The following DLC1 variants were observed in gnomAD, a reference collection of about 807,000 sequenced individuals.
DLC1 encodes rho GTPase-activating protein 7.
In DLC1, 54 loss-of-function variants were observed where a neutral mutation model predicts 140.3. The observed-to-expected ratio is 0.38, with a 90% CI of 0.31 to 0.48. The LOEUF (loss-of-function observed/expected upper bound fraction) is 0.48, where lower values mean the gene tolerates loss of function less well. Ranked by LOEUF, DLC1 falls within the 20% of genes least tolerant of loss-of-function variation. The probability of loss-of-function intolerance (pLI) is 0.96; values close to 1 mark genes in which losing one functional copy is unlikely to be tolerated. For synonymous variants in DLC1, 986 were observed against 728.1 expected, an observed-to-expected ratio of 1.35 and a Z score of -5.70; for missense variants, 2,536 against 1,907.0, an observed-to-expected ratio of 1.33 and a Z score of -6.14.
chr8:13,602,600 GTTAA>G (rs747096262), intron 1 of DLC1, among the ~76,000 whole-genome samples: 6 of 151,814 alleles, frequency 4.0e-5, no homozygotes, highest in Non-Finnish European at 8.9e-5. Flanking sequence ...GACTCTATGT[GTTAA>G]TTGTCAAAAC....
chr8:13,480,363 C>G (rs1313591217), intron 2 of DLC1, among the ~76,000 whole-genome samples: 3 of 152,046 alleles, frequency 2.0e-5, no homozygotes, highest in African/African-American at 7.2e-5. Flanking sequence ...GGGAAAGATG[C>G]ATAACATAGA....
intron 1 of DLC1, among the ~76,000 whole-genome samples, chr8:13,548,531 A>G (rs550048815): frequency 1.2e-4 from 18 of 152,162 alleles, no homozygotes; most frequent in Non-Finnish European, 1.2e-4. Context: ...TACAAGGAAT[A>G]TTTCTATGGT....
chr8:13,353,599 G>GT (rs914406653), intron 4 of DLC1: 1 of 152,238 alleles, frequency 6.6e-6, no homozygotes, highest in South Asian at 2.1e-4. Flanking sequence ...GCTCATGTCT[G>GT]TAATCCCAGC....
chr8:13,123,788 T>G (rs991869860), intron 5 of DLC1, among the ~76,000 whole-genome samples: 2 of 152,198 alleles, frequency 1.3e-5, no homozygotes, highest in Non-Finnish European at 2.9e-5. Flanking sequence ...CCCAAGCACC[T>G]ACAACAGCAC....
chr8:13,276,330 T>C (rs1329726291), intron 5 of DLC1: 2 of 1,531,096 alleles, frequency 1.3e-6, no homozygotes, highest in Middle Eastern at 1.7e-4. Flanking sequence ...GTCCCTGATG[T>C]GATCGCTAAA....
upstream of DLC1, among the ~76,000 whole-genome samples, chr8:13,515,976 G>C (rs1370573218): frequency 4.6e-5 from 7 of 152,162 alleles, no homozygotes; most frequent in African/African-American, 9.7e-5. Context: ...GGAAAGAAGA[G>C]GGAGGTGGTT....
chr8:13,565,037 A>C (rs941370891), intron 1 of DLC1, among the ~76,000 whole-genome samples: 3 of 152,218 alleles, frequency 2.0e-5, no homozygotes, highest in African/African-American at 7.2e-5. Flanking sequence ...GTTTAAAATC[A>C]AACTTTGACC....
chr8:13,214,574 T>TTTTTG lies in DLC1; in HGVS notation c.1348+90694_1348+90695insCAAAA. ...AACCCCACCTTTTTTTTTTTTTTTT[T>TTTTTG]GTGGCTGCCCGAGGAAATTGGAGTG... is the stretch of plus-strand genomic sequence containing the variant. On this transcript the variant is annotated intron_variant, in intron 5 of 17. Transcript: ENST00000276297. 2.0e-5 allele frequency: 13 copies of TTTTTG among 647,502 alleles called. 1 individual carries two copies. Among genetic ancestry groups the TTTTTG allele is most frequent in the South Asian group, 9.8e-5 (5 of 51,252 alleles). The allele number at this position is 647,502 out of a possible 1,614,324, so 40.1% of individuals were successfully genotyped here.
chr8:13,253,471 G>C (rs932769890), intron 5 of DLC1, among the ~76,000 whole-genome samples: 14 of 151,686 alleles, frequency 9.2e-5, no homozygotes, highest in Non-Finnish European at 1.6e-4. Context: ...GTGGTGTTTA[G>C]ATATGTGCAT....
intron 3 of DLC1, among the ~76,000 whole-genome samples, chr8:13,399,035 AC>A (rs1413075118): frequency 6.6e-6 from 1 of 152,168 alleles, no homozygotes; most frequent in Non-Finnish European, 1.5e-5. Context: ...ACCAAAAGAT[AC>A]TGCAGAACAG....
At chr8:13,576,989 A>G (rs933464139) in intron 1 of DLC1, among the ~76,000 whole-genome samples, 14 of 152,158 alleles carry the variant, frequency 9.2e-5, no homozygotes, top group African/African-American at 3.1e-4. Context: ...TCTGACTGTG[A>G]AGTGCTTACT....
At chr8:13,244,697 T>C (rs1829687108) in intron 5 of DLC1, among the ~76,000 whole-genome samples, 1 of 152,160 alleles carries the variant, frequency 6.6e-6, no homozygotes, top group Admixed American at 6.5e-5. Context: ...ATCTCTTCCC[T>C]ACGTTTCTTC....
At chr8:13,333,432 G>A (rs929502004) in intron 4 of DLC1, among the ~76,000 whole-genome samples, 2 of 151,694 alleles carry the variant, frequency 1.3e-5, no homozygotes, top group Non-Finnish European at 2.9e-5. Flanking sequence ...TTTTGTTTTA[G>A]TGATGAGGGT....
intron 2 of DLC1, among the ~76,000 whole-genome samples, chr8:13,409,151 G>T (rs1426206312): frequency 6.6e-6 from 1 of 151,844 alleles, no homozygotes; most frequent in Non-Finnish European, 1.5e-5. Context: ...CTTAATATTT[G>T]TAGTTATTAT....
intron 4 of DLC1, among the ~76,000 whole-genome samples, chr8:13,352,242 G>A (rs1010461611): frequency 4.6e-5 from 7 of 152,250 alleles, no homozygotes; most frequent in Admixed American, 1.3e-4. Flanking sequence ...CGGCCTCACC[G>A]TCACATGCAC....
intron 1 of DLC1, among the ~76,000 whole-genome samples, chr8:13,549,417 A>T (rs1037146582): frequency 6.6e-6 from 1 of 152,172 alleles, no homozygotes; most frequent in Non-Finnish European, 1.5e-5. Context: ...AAAACACTCT[A>T]TAAAGCTCTA....
At chr8:13,500,819 C>G (rs1002108169) in intron 1 of DLC1, among the ~76,000 whole-genome samples, 1 of 6,744 alleles carries the variant, frequency 1.5e-4, no homozygotes, top group African/African-American at 1.6e-4. Flanking sequence ...ATAACACATA[C>G]CATTTACAAT....
At chr8:13,511,235 A>G (rs958764140) in intron 1 of DLC1, among the ~76,000 whole-genome samples, 1 of 152,112 alleles carries the variant, frequency 6.6e-6, no homozygotes, top group African/African-American at 2.4e-5. Flanking sequence ...TACAGAAACA[A>G]CCTTTTCACA....
At chr8:13,567,627 T>A in intron 1 of DLC1, 1 of 1,551,726 alleles carries the variant, frequency 6.4e-7, no homozygotes, top group Non-Finnish European at 8.7e-7. Flanking sequence ...TGGCCCTGTC[T>A]GCCTTTCTGA....
Sources: gnomAD v4.1 joint callset for allele counts (sites outside exome capture counted in the v4.1 genomes callset) on GRCh38, gnomAD v4.1.1 for gene constraint, MANE v1.5 for transcripts, NCBI Gene and HGNC (gene_info 2026-07-23, HGNC 2026-07-21) for gene names.